KMT2E: variants seen among roughly 807,000 people sequenced by gnomAD.
KMT2E encodes lysine methyltransferase 2E (inactive), also known as histone reader KMT2E.
Under a neutral mutation model 184.6 loss-of-function variants are expected in KMT2E, and 30 were observed. That is an observed-to-expected ratio of 0.16 (90% CI 0.12 to 0.22). The LOEUF is 0.22. Among genes scored for constraint, KMT2E ranks in the 10% least tolerant of loss-of-function variants. The pLI, the probability that KMT2E is intolerant of heterozygous loss-of-function variation, is 1.00. For missense variants in KMT2E, 2,023 were observed against 2,237.4 expected, an observed-to-expected ratio of 0.90 and a Z score of 1.93; for synonymous variants, 815 against 776.5, an observed-to-expected ratio of 1.05 and a Z score of -0.82.
chr7:105,058,435 T>G (rs1245870041), intron 3 of KMT2E, among the ~76,000 whole-genome samples: 1 of 152,226 alleles, frequency 6.6e-6, no homozygotes, highest in African/African-American at 2.4e-5. Context: ...TGCCCAGATA[T>G]ATAACCTCTT....
intron 13 of KMT2E, chr7:105,089,172 CA>C: frequency 2.8e-6 from 1 of 359,128 alleles, no homozygotes; most frequent in East Asian, 1.0e-4. Context: ...ATCCCTCATG[CA>C]AAAATCTGAA....
chr7:105,054,676 G>A (rs950429158), intron 3 of KMT2E, among the ~76,000 whole-genome samples: 2 of 152,038 alleles, frequency 1.3e-5, no homozygotes, highest in Admixed American at 1.3e-4. Flanking sequence ...CACCATGCCT[G>A]GCTAATTTTG....
At chr7:105,102,312 T>TG (rs1241576711) in intron 17 of KMT2E, 118 bp downstream of exon 17, 2 of 732,994 alleles carry the variant, frequency 2.7e-6, no homozygotes, top group East Asian at 6.4e-5. Context: ...TTTTTATACT[T>TG]GCAGATTTTA....
Position 105,059,293 on chromosome 7 carries a change from A to G in KMT2E, c.72-2871A>G, listed in dbSNP as rs868834710. ...TTGCAGAGTTTGATCTAAATTTTTAAGAGTGAATCTTTGTGCTCTGGCCAC... is the reference window on the plus strand; with the variant it reads ...TTGCAGAGTTTGATCTAAATTTTTAGGAGTGAATCTTTGTGCTCTGGCCAC... On this transcript the variant is annotated intron_variant, in intron 3 of 26. Coordinates refer to ENST00000311117, the MANE Select transcript of KMT2E (RefSeq NM_182931.3). 2.4e-4 allele frequency among the ~76,000 whole-genome samples: 36 copies of G among 152,318 alleles called. 1 individual carries two copies. The highest frequency in any genetic ancestry group is 3.4e-3 in the Middle Eastern group (1 of 294).
rs373047617 is a variant in KMT2E, at chr7:105,090,068, G to A, written c.1418G>A (p.Arg473His). 70 of 1,613,594 alleles carry A rather than the reference G, an allele frequency of 4.3e-5. No homozygotes were observed. The highest frequency in any genetic ancestry group is 1.6e-4 in the Middle Eastern group (1 of 6,080). The part of the protein sequence containing the change: ...KENPECPVLK[R>H]SSESMENINS... ...AACCCAGAGTGCCCTGTTCTAAAAC[G>A]TAGTTCTGAATCCATGGAAAATATC... is the stretch of plus-strand genomic sequence containing the variant. Residue 473 changes from arginine (R) to histidine (H), a missense_variant, in exon 14 of 27, where the codon CGT becomes CAT. This residue lies in a region of KMT2E where 514 missense variants were observed against 621.8 expected (regional missense o/e 0.83). Coordinates refer to ENST00000311117, the MANE Select transcript of KMT2E (RefSeq NM_182931.3).
chr7:105,103,375 C>G (rs887301379), intron 17 of KMT2E: 8 of 152,142 alleles, frequency 5.3e-5, no homozygotes, highest in Non-Finnish European at 8.8e-5. Flanking sequence ...ATCATGATTT[C>G]CCCTAAAGGC....
At position 105,107,213 on chromosome 7, in the gene KMT2E, T is replaced by C. The variant is rs1028239575; in HGVS notation, c.2895T>C (p.Tyr965=). 9 of 1,559,660 alleles carry C rather than the reference T, an allele frequency of 5.8e-6. No homozygotes were observed. Among genetic ancestry groups the C allele is most frequent in the African/African-American group, 4.1e-5 (3 of 72,964 alleles). Reference sequence around the variant, plus strand: ...CTCCAGAAATAAAGAGACGCACTTATAGTCAAGAGGTAAGAAGTTAACTTA... The same window carrying C: ...CTCCAGAAATAAAGAGACGCACTTACAGTCAAGAGGTAAGAAGTTAACTTA... ...ESSPEIKRRT[Y]SQEGYDRSST... is the part of the protein sequence containing the mutation. Residue 965 remains tyrosine (Y), a synonymous_variant, in exon 21 of 27, where the codon TAT becomes TAC. Transcript: ENST00000311117.
intron 3 of KMT2E, among the ~76,000 whole-genome samples, chr7:105,056,704 T>C (rs1796581800): frequency 6.6e-6 from 1 of 152,244 alleles, no homozygotes; most frequent in East Asian, 1.9e-4. Context: ...TAAAACAATT[T>C]TTAAGGAGCT....
intron 3 of KMT2E, among the ~76,000 whole-genome samples, chr7:105,054,458 G>GTCTGTCTA (rs1368282619): frequency 7.5e-4 from 103 of 136,614 alleles, no homozygotes; most frequent in Middle Eastern, 3.5e-3. Flanking sequence ...CTGTCTGTCT[G>GTCTGTCTA]TCTATCTATC....
chr7:105,101,526 CA>C lies in KMT2E; in HGVS notation c.1828del (p.Thr610LeufsTer36). 6.3e-7 allele frequency: 1 copy of C among 1,589,790 alleles called. No individual in the cohort carries two copies. The highest frequency in any genetic ancestry group is 1.2e-5 in the South Asian group (1 of 85,694). On this transcript the variant is annotated frameshift_variant, in exon 16 of 27. Coordinates refer to ENST00000311117, the MANE Select transcript of KMT2E (RefSeq NM_182931.3). LOFTEE classifies it high-confidence loss of function. ...EQALERISTA[K>X]TEVKTECKDT... ...AAGCTTTGGAAAGGATCAGCACAGC[CA>C]AAACTGAAGTTAAAACTGAATGTAA...
intron 1 of KMT2E, among the ~76,000 whole-genome samples, chr7:105,027,788 T>A (rs941177822): frequency 1.3e-5 from 2 of 152,170 alleles, no homozygotes; most frequent in African/African-American, 4.8e-5. Context: ...CTGTTTAAAC[T>A]TGAAAGTATT....
intron 6 of KMT2E, among the ~76,000 whole-genome samples, chr7:105,067,980 A>C (rs1053616236): frequency 6.6e-6 from 1 of 152,158 alleles, no homozygotes; most frequent in African/African-American, 2.4e-5. Context: ...TCAAAAAAAC[A>C]AAAAACCGCA....
chr7:105,054,997 A>G (rs1362643349), intron 3 of KMT2E, among the ~76,000 whole-genome samples: 2 of 152,122 alleles, frequency 1.3e-5, no homozygotes, highest in African/African-American at 4.8e-5. Context: ...TGATGGAAGG[A>G]GTCTTGGAGA....
chr7:105,086,628 G>A (rs1797974374), intron 13 of KMT2E, among the ~76,000 whole-genome samples: 1 of 151,834 alleles, frequency 6.6e-6, no homozygotes, highest in Non-Finnish European at 1.5e-5. Flanking sequence ...AGGAGGCTGA[G>A]ACAGGAGAAT....
chr7:105,056,408 G>A (rs1796571527), intron 3 of KMT2E, among the ~76,000 whole-genome samples: 1 of 152,132 alleles, frequency 6.6e-6, no homozygotes, highest in Non-Finnish European at 1.5e-5. Context: ...ACTTGCTTTT[G>A]AGAGACTGCT....
intron 11 of KMT2E, among the ~76,000 whole-genome samples, chr7:105,078,018 A>G (rs1340583955): frequency 6.6e-6 from 1 of 152,244 alleles, no homozygotes; most frequent in Non-Finnish European, 1.5e-5. Flanking sequence ...CCTGTAGTCT[A>G]GAAGTATGTT....
At chr7:105,102,362 A>G (rs1798691609) in intron 17 of KMT2E, 168 bp downstream of exon 17, 4 of 530,366 alleles carry the variant, frequency 7.5e-6, no homozygotes, top group African/African-American at 2.0e-5. Context: ...AAATTAATAT[A>G]AATGTTTGCA....
At chr7:105,064,566 G>C (rs1796957237) in intron 5 of KMT2E, among the ~76,000 whole-genome samples, 1 of 151,898 alleles carries the variant, frequency 6.6e-6, no homozygotes, top group Admixed American at 6.6e-5. Context: ...GTTTACTCTT[G>C]CCAAAAAATG....
In KMT2E at chr7:105,114,533, ATTAT is replaced by A. The variant is rs980739419; in HGVS notation, c.*1202_*1205del. Among the ~76,000 whole-genome samples, 1 of 152,254 alleles carries A rather than the reference ATTAT, an allele frequency of 6.6e-6. No individual in the cohort carries two copies. The highest frequency in any genetic ancestry group is 1.9e-4 in the East Asian group (1 of 5,190). On this transcript the variant is annotated 3_prime_UTR_variant, in exon 27 of 27. Transcript: ENST00000311117. ...AATATAAAATGCTAGTTAGTTATTA[ATTAT>A]TAATCTTCAAAAAATTAAAAATTTC...
Sources: allele counts gnomAD v4.1 joint callset (sites outside exome capture counted in the v4.1 genomes callset), GRCh38; gene constraint gnomAD v4.1.1; regional missense constraint gnomAD v4.1.1; transcripts MANE v1.5; gene names NCBI Gene and HGNC (gene_info 2026-07-23, HGNC 2026-07-21).